The following CDH10 variants were observed in gnomAD, a reference collection of about 807,000 sequenced individuals.
The protein encoded by CDH10 is cadherin-10.
CDH10 carries 30 observed loss-of-function variants against 73.1 expected under a neutral mutation model. The observed-to-expected ratio is 0.41, with a 90% CI of 0.31 to 0.56. The LOEUF is 0.56. Among genes scored for constraint, CDH10 ranks in the 20% least tolerant of loss-of-function variants. The pLI, the probability that CDH10 is intolerant of heterozygous loss-of-function variation, is 0.27. For missense variants in CDH10, 815 were observed against 973.7 expected (o/e 0.84, Z 2.17); for synonymous variants, 345 against 348.2 (o/e 0.99, Z 0.10).
chr5:24,515,901 AG>A (rs1743092339), intron 5 of CDH10, among the ~76,000 whole-genome samples: 1 of 114,342 alleles, frequency 8.7e-6, no homozygotes, highest in African/African-American at 3.1e-5. Flanking sequence ...TATACAGGGG[AG>A]TTTTCCCCTG....
chr5:24,488,548 A>T (rs934000758), intron 11 of CDH10, among the ~76,000 whole-genome samples: 3 of 152,158 alleles, frequency 2.0e-5, no homozygotes. Context: ...GCTTCAAGTA[A>T]GACAATTTAA....
At chr5:24,607,910 A>G (rs1746814124) in intron 1 of CDH10, among the ~76,000 whole-genome samples, 1 of 152,154 alleles carries the variant, frequency 6.6e-6, no homozygotes, top group Non-Finnish European at 1.5e-5. Flanking sequence ...CTATATAGAT[A>G]ATTCTATATT....
In CDH10 at chr5:24,542,432, C is replaced by T. The variant is rs1000968189; in HGVS notation, c.232-4758G>A. ...TGTATATTTTCTATGTTTAGATATACGAAGACTTATCATTGTGTTATAATT... is the reference window on the plus strand; with the variant it reads ...TGTATATTTTCTATGTTTAGATATATGAAGACTTATCATTGTGTTATAATT... On this transcript the variant is annotated intron_variant, in intron 2 of 11. Coordinates refer to ENST00000264463, the MANE Select transcript of CDH10 (RefSeq NM_006727.5). Among the ~76,000 whole-genome samples, 9 of 152,008 alleles carry T rather than the reference C, an allele frequency of 5.9e-5. No homozygotes were observed. In the East Asian group the frequency reaches 7.7e-4, roughly 13 times the overall value.
At chr5:24,499,044 A>G (rs994144130) in intron 8 of CDH10, among the ~76,000 whole-genome samples, 48 of 152,154 alleles carry the variant, frequency 3.2e-4, no homozygotes, top group Non-Finnish European at 5.6e-4. Context: ...ATAAATTGGT[A>G]ACTTATCTAA....
At chr5:24,540,786 AT>A (rs1462588513) in intron 2 of CDH10, among the ~76,000 whole-genome samples, 1 of 151,966 alleles carries the variant, frequency 6.6e-6, no homozygotes, top group African/African-American at 2.4e-5. Context: ...TAGCACTAGA[AT>A]GAAGGGCAAA....
chr5:24,549,596 G>T (rs12517433), intron 2 of CDH10, among the ~76,000 whole-genome samples: 1 of 148,282 alleles, frequency 6.7e-6, no homozygotes, highest in Non-Finnish European at 1.5e-5. Flanking sequence ...TTGTCTCCCA[G>T]GCTGAAGTGC....
At chr5:24,566,256 C>T (rs1400034868) in intron 2 of CDH10, among the ~76,000 whole-genome samples, 1 of 152,130 alleles carries the variant, frequency 6.6e-6, no homozygotes, top group South Asian at 2.1e-4. Flanking sequence ...CCATGTTGGC[C>T]AGGCTGATCT....
intron 1 of CDH10, among the ~76,000 whole-genome samples, chr5:24,640,678 A>G (rs920251590): frequency 6.6e-6 from 1 of 151,838 alleles, no homozygotes; most frequent in Non-Finnish European, 1.5e-5. Flanking sequence ...ACAGGCAGGC[A>G]TTATTTTGAA....
chr5:24,523,043 A>G (rs1398914243), intron 5 of CDH10, among the ~76,000 whole-genome samples: 1 of 152,026 alleles, frequency 6.6e-6, no homozygotes, highest in Non-Finnish European at 1.5e-5. Context: ...AACCTTTCAT[A>G]GCATGGCATT....
intron 2 of CDH10, among the ~76,000 whole-genome samples, chr5:24,546,021 G>A (rs1420319413): frequency 6.6e-6 from 1 of 152,102 alleles, no homozygotes; most frequent in Non-Finnish European, 1.5e-5. Flanking sequence ...CTGGATTCCT[G>A]AAGGAGAAGG....
chr5:24,518,551 T>C (rs1053176999), intron 5 of CDH10, among the ~76,000 whole-genome samples: 2 of 152,088 alleles, frequency 1.3e-5, no homozygotes, highest in Non-Finnish European at 2.9e-5. Context: ...ATCTTTAATA[T>C]TTTAATGGAA....
At chr5:24,551,895 TC>T in intron 2 of CDH10, among the ~76,000 whole-genome samples, 1 of 152,246 alleles carries the variant, frequency 6.6e-6, no homozygotes, top group African/African-American at 2.4e-5. Flanking sequence ...TCCTTATCCA[TC>T]TTTTAGAAAA....
intron 5 of CDH10, among the ~76,000 whole-genome samples, chr5:24,532,729 A>G (rs1743792936): frequency 6.6e-6 from 1 of 152,118 alleles, no homozygotes; most frequent in Non-Finnish European, 1.5e-5. Context: ...AAAACATATA[A>G]TTCAAATAAA....
chr5:24,513,008 C>A (rs1409800511), intron 5 of CDH10, among the ~76,000 whole-genome samples: 1 of 146,508 alleles, frequency 6.8e-6, no homozygotes, highest in Non-Finnish European at 1.5e-5. Flanking sequence ...CTTTTCTTTT[C>A]TTTTCTTTCT....
intron 7 of CDH10, among the ~76,000 whole-genome samples, chr5:24,507,914 T>C (rs553309073): frequency 4.3e-4 from 66 of 152,274 alleles, no homozygotes; most frequent in Non-Finnish European, 6.9e-4. Flanking sequence ...AGAAAACATA[T>C]TTATGTGAAA....
At chr5:24,505,933 G>T (rs1481880987) in intron 7 of CDH10, among the ~76,000 whole-genome samples, 1 of 152,106 alleles carries the variant, frequency 6.6e-6, no homozygotes, top group Non-Finnish European at 1.5e-5. Flanking sequence ...GACCAATATG[G>T]TGAAATTCCG....
At chr5:24,613,632 G>C (rs984342460) in intron 1 of CDH10, among the ~76,000 whole-genome samples, 6 of 152,000 alleles carry the variant, frequency 3.9e-5, no homozygotes, top group African/African-American at 1.4e-4. Context: ...AGTACAAATG[G>C]GGACAATGTT....
chr5:24,562,232 G>A (rs897670965), intron 2 of CDH10, among the ~76,000 whole-genome samples: 4 of 151,988 alleles, frequency 2.6e-5, no homozygotes, highest in Non-Finnish European at 4.4e-5. Context: ...ACCATGCCAT[G>A]TTCAAATTAT....
At chr5:24,613,933 G>C (rs922808402) in intron 1 of CDH10, among the ~76,000 whole-genome samples, 2 of 152,022 alleles carry the variant, frequency 1.3e-5, no homozygotes, top group Non-Finnish European at 2.9e-5. Flanking sequence ...ATGGGACAAG[G>C]ACAAATTCGA....
Sources: gnomAD v4.1 joint callset for allele counts (sites outside exome capture counted in the v4.1 genomes callset) on GRCh38, gnomAD v4.1.1 for gene constraint, MANE v1.5 for transcripts, NCBI Gene and HGNC (gene_info 2026-07-23, HGNC 2026-07-21) for gene names.